CD44: variants seen among roughly 807,000 people sequenced by gnomAD.
CD44 encodes the protein CD44 molecule (IN blood group).
A neutral mutation model predicts 88.8 loss-of-function variants in CD44; 49 were observed. That is an observed-to-expected ratio of 0.55 (90% CI 0.44 to 0.70). The LOEUF is 0.70. CD44 is among the 30% of genes least tolerant of loss of function. The probability of loss-of-function intolerance (pLI) is 0.00; values close to 1 mark genes in which losing one functional copy is unlikely to be tolerated. For missense variants in CD44, 883 were observed against 913.8 expected, an observed-to-expected ratio of 0.97 and a Z score of 0.43; for synonymous variants, 325 against 312.3, an observed-to-expected ratio of 1.04 and a Z score of -0.43.
chr11:35,183,595 A>C (rs1945368913), intron 3 of CD44, among the ~76,000 whole-genome samples: 2 of 152,326 alleles, frequency 1.3e-5, no homozygotes, highest in South Asian at 4.1e-4. Context: ...GCTTGATCTT[A>C]GTAGATAGCT....
chr11:35,219,019 G>A (rs544530954), intron 15 of CD44: 10 of 352,936 alleles, frequency 2.8e-5, no homozygotes, highest in Admixed American at 1.5e-4. Flanking sequence ...GGACAGCGGT[G>A]AGACTTAAAT....
intron 1 of CD44, among the ~76,000 whole-genome samples, chr11:35,141,257 G>T (rs1422111905): frequency 6.6e-6 from 1 of 152,176 alleles, no homozygotes; most frequent in Non-Finnish European, 1.5e-5. Flanking sequence ...GCTCCACTGA[G>T]CTCCAAAGCC....
chr11:35,214,517 A>G (rs1268869253), intron 14 of CD44: 2 of 220,586 alleles, frequency 9.1e-6, no homozygotes, highest in Non-Finnish European at 1.8e-5. Context: ...CTGCAAAGAT[A>G]TCACAATATT....
chr11:35,218,538 A>G (rs1449232078), intron 15 of CD44, among the ~76,000 whole-genome samples: 1 of 151,474 alleles, frequency 6.6e-6, no homozygotes, highest in Non-Finnish European at 1.5e-5. Flanking sequence ...CATGTTGACT[A>G]GGTTGATCTC....
chr11:35,165,131 C>T (rs553605906), intron 1 of CD44, among the ~76,000 whole-genome samples: 12 of 152,288 alleles, frequency 7.9e-5, no homozygotes, highest in African/African-American at 2.9e-4. Flanking sequence ...TCTGCCCTTC[C>T]ACCCTCACTC....
chr11:35,221,819 C>G (rs554741193), intron 17 of CD44, 87 bp downstream of exon 17: 1 of 1,195,080 alleles, frequency 8.4e-7, no homozygotes, highest in Admixed American at 1.7e-5. Flanking sequence ...AGCGTAGTCC[C>G]TGGAACCAGC....
intron 1 of CD44, 41 bp from the exon 2 acceptor site, chr11:35,176,534 A>G (rs1269909103): frequency 6.4e-7 from 1 of 1,574,786 alleles, no homozygotes; most frequent in Non-Finnish European, 8.6e-7. Context: ...TCTCCAAATT[A>G]TTTATGCAAA....
At chr11:35,191,781 TA>T in intron 5 of CD44, among the ~76,000 whole-genome samples, 1 of 152,326 alleles carries the variant, frequency 6.6e-6, no homozygotes, top group Admixed American at 6.5e-5. Flanking sequence ...CACATTTCAT[TA>T]ACCCCTATAG....
At position 35,229,112 on chromosome 11, in the gene CD44, AT is replaced by A. The variant is rs1565171843; in HGVS notation, c.2025-11del. ...CACTGCAATCTTTCTGATATGGTAC[AT>A]TTTTTAAATTATTAGGTGTGGGCAG... On this transcript the variant is annotated splice_polypyrimidine_tract_variant and intron_variant, in intron 17 of 17. Transcript: ENST00000428726. 1 of 1,602,956 alleles carries A rather than the reference AT, an allele frequency of 6.2e-7. No homozygotes were observed. Among genetic ancestry groups the A allele is most frequent in the East Asian group, 2.2e-5 (1 of 44,786 alleles).
intron 1 of CD44, among the ~76,000 whole-genome samples, chr11:35,158,869 C>T (rs946253328): frequency 6.6e-6 from 1 of 152,214 alleles, no homozygotes; most frequent in Admixed American, 6.5e-5. Context: ...GGGAAACGCA[C>T]TCCAGGTCCT....
intron 7 of CD44, 134 bp from the exon 8 acceptor site, chr11:35,200,948 T>C: frequency 1.4e-6 from 1 of 708,906 alleles, no homozygotes; most frequent in Admixed American, 2.1e-5. Flanking sequence ...TCCCTCCATT[T>C]CCATGCAGCC....
chr11:35,201,876 G>T (rs140631691), intron 9 of CD44, 89 bp downstream of exon 9: 113 of 1,331,514 alleles, frequency 8.5e-5, no homozygotes, highest in Non-Finnish European at 1.1e-4. Context: ...GAAATTGGCC[G>T]CATCTTCTAT....
intron 9 of CD44, among the ~76,000 whole-genome samples, chr11:35,202,153 A>C (rs1270512366): frequency 6.6e-6 from 1 of 152,202 alleles, no homozygotes; most frequent in African/African-American, 2.4e-5. Context: ...TGTCAAGTGA[A>C]TTGATCTTTG....
chr11:35,229,440 T>A lies in CD44; in HGVS notation c.*107T>A. 1 of 685,830 alleles carries A rather than the reference T, an allele frequency of 1.5e-6. No homozygotes were observed. The highest frequency in any genetic ancestry group is 2.2e-5 in the South Asian group (1 of 45,820). 42.5% of individuals were successfully genotyped at this position (685,830 alleles called of 1,614,324 possible). On this transcript the variant is annotated 3_prime_UTR_variant, in exon 18 of 18. Transcript: ENST00000428726. The stretch of plus-strand genomic sequence containing the variant: ...GTGCTACTGATTGTTTCATTGCGAA[T>A]CTTTTTTAGCATAAAATTTTCTACT...
At chr11:35,199,787 A>G (rs1327510505) in intron 7 of CD44, among the ~76,000 whole-genome samples, 1 of 152,124 alleles carries the variant, frequency 6.6e-6, no homozygotes, top group Non-Finnish European at 1.5e-5. Flanking sequence ...TGTGTTCAGC[A>G]TGTGGCCCAG....
chr11:35,180,295 C>G lies in CD44; in HGVS notation c.255C>G (p.His85Gln), dbSNP rs1071695. 1 of 1,613,338 alleles carries G rather than the reference C, an allele frequency of 6.2e-7. No individual in the cohort carries two copies. Among genetic ancestry groups the G allele is most frequent in the Non-Finnish European group, 8.5e-7 (1 of 1,179,514 alleles). Residue 85 changes from histidine (H) to glutamine (Q), a missense_variant, in exon 3 of 18, where the codon CAC becomes CAG. His to Gln is a conservative substitution (Grantham distance 24). Around this residue, in one of 2 missense-constraint regions of CD44, gnomAD observed 252 missense variants for 322.9 expected, o/e 0.78. Transcript: ENST00000428726. ...ACAGGTATGGGTTCATAGAAGGGCA[C>G]GTGGTGATTCCCCGGATCCACCCCA... ...ETCRYGFIEG[H>Q]VVIPRIHPNS...
At chr11:35,140,231 G>A (rs1857622380) in intron 1 of CD44, among the ~76,000 whole-genome samples, 1 of 152,230 alleles carries the variant, frequency 6.6e-6, no homozygotes, top group South Asian at 2.1e-4. Flanking sequence ...CAGGGTCAGT[G>A]CTTTGTGGTG....
At chr11:35,157,416 A>C (rs553071291) in intron 1 of CD44, among the ~76,000 whole-genome samples, 56 of 151,566 alleles carry the variant, frequency 3.7e-4, no homozygotes, top group South Asian at 1.3e-3. Flanking sequence ...TCATATATCT[A>C]TCTCTATCTA....
intron 15 of CD44, among the ~76,000 whole-genome samples, chr11:35,215,212 C>A (rs1948730710): frequency 6.6e-6 from 1 of 152,196 alleles, no homozygotes; most frequent in African/African-American, 2.4e-5. Context: ...GAAAGCCTTG[C>A]ATCTGAAAGC....
Sources: gnomAD v4.1 joint callset for allele counts (sites outside exome capture counted in the v4.1 genomes callset) on GRCh38, gnomAD v4.1.1 for gene constraint, gnomAD v4.1.1 regional missense constraint, MANE v1.5 for transcripts, NCBI Gene and HGNC (gene_info 2026-07-23, HGNC 2026-07-21) for gene names.